The following AGBL1 variants were observed in gnomAD, a reference collection of about 807,000 sequenced individuals.
The protein encoded by AGBL1 is AGBL carboxypeptidase 1, also known as cytosolic carboxypeptidase 4.
A neutral mutation model predicts 118.9 loss-of-function variants in AGBL1; 130 were observed. The observed-to-expected ratio is 1.09, with a 90% CI of 0.95 to 1.26. The LOEUF is 1.26. Among genes scored for constraint, AGBL1 ranks in the 50% most tolerant of loss-of-function variants. The pLI is 0.00. For synonymous variants in AGBL1, 555 were observed against 478.9 expected (o/e 1.16, Z -2.08); for missense variants, 1,584 against 1,298.1 (o/e 1.22, Z -3.38).
intron 23 of AGBL1, among the ~76,000 whole-genome samples, chr15:86,933,307 C>T (rs2080627235): frequency 6.6e-6 from 1 of 152,120 alleles, no homozygotes; most frequent in African/African-American, 2.4e-5. Context: ...TGATAATAGT[C>T]CCTCCCTACA....
At chr15:86,624,432 G>A (rs2084854947) in intron 21 of AGBL1, among the ~76,000 whole-genome samples, 1 of 152,190 alleles carries the variant, frequency 6.6e-6, no homozygotes, top group Non-Finnish European at 1.5e-5. Context: ...TTTGAGTAAG[G>A]GCTCTGTGGA....
chr15:86,977,797 GCTTA>G (rs2081190663), intron 23 of AGBL1, among the ~76,000 whole-genome samples: 1 of 151,614 alleles, frequency 6.6e-6, no homozygotes, highest in South Asian at 2.1e-4. Context: ...TCTTCTTATT[GCTTA>G]CTTAAAAACT....
chr15:86,550,085 T>C (rs145661193), intron 20 of AGBL1, among the ~76,000 whole-genome samples: 78 of 151,692 alleles, frequency 5.1e-4, no homozygotes, highest in African/African-American at 6.3e-4. Context: ...TAAAGAAAAG[T>C]AAACAGCTGT....
intron 1 of AGBL1, among the ~76,000 whole-genome samples, chr15:86,088,836 CTG>C (rs890003904): frequency 1.3e-5 from 2 of 152,174 alleles, no homozygotes; most frequent in Non-Finnish European, 2.9e-5. Context: ...TACCGGGTCA[CTG>C]TATGCCCCAC....
intron 24 of AGBL1, among the ~76,000 whole-genome samples, chr15:86,998,825 T>C (rs2081404682): frequency 6.6e-6 from 1 of 152,040 alleles, no homozygotes; most frequent in South Asian, 2.1e-4. Flanking sequence ...CAAGGTGACA[T>C]GGAGCCAAGA....
chr15:86,789,884 C>T (rs2078466961), intron 22 of AGBL1, among the ~76,000 whole-genome samples: 2 of 152,046 alleles, frequency 1.3e-5, no homozygotes, highest in Admixed American at 6.6e-5. Flanking sequence ...TAGATGGCTC[C>T]AATCATTTGA....
At chr15:86,906,656 C>T (rs1186963001) in intron 22 of AGBL1, among the ~76,000 whole-genome samples, 21 of 152,192 alleles carry the variant, frequency 1.4e-4, no homozygotes, top group Admixed American at 1.2e-3. Context: ...TTCTCAGACA[C>T]TCAGTGATGA....
chr15:86,307,366 G>T (rs2079856169), intron 17 of AGBL1, among the ~76,000 whole-genome samples: 1 of 151,934 alleles, frequency 6.6e-6, no homozygotes, highest in Admixed American at 6.6e-5. Flanking sequence ...AAGATTTATT[G>T]ATTATTGATC....
intron 17 of AGBL1, among the ~76,000 whole-genome samples, chr15:86,364,785 T>C (rs2080854759): frequency 6.6e-6 from 1 of 151,770 alleles, no homozygotes. Flanking sequence ...GAAAAGCACC[T>C]TACCTACAAC....
At chr15:86,207,908 C>T (rs1567126582) in intron 5 of AGBL1, among the ~76,000 whole-genome samples, 1 of 152,116 alleles carries the variant, frequency 6.6e-6, no homozygotes. Flanking sequence ...AAAGGGAATG[C>T]TTCCAGTTTT....
intron 23 of AGBL1, among the ~76,000 whole-genome samples, chr15:86,928,367 G>C (rs2080568375): frequency 6.6e-6 from 1 of 152,184 alleles, no homozygotes. Context: ...TGGCCTAAGA[G>C]AGGCCCTGTC....
chr15:86,317,894 C>A (rs181684849), intron 17 of AGBL1, among the ~76,000 whole-genome samples: 1 of 152,242 alleles, frequency 6.6e-6, no homozygotes, highest in East Asian at 1.9e-4. Context: ...ATATAAGTTT[C>A]ATATTTAAAT....
intron 1 of AGBL1, among the ~76,000 whole-genome samples, chr15:86,139,402 A>G (rs2076931527): frequency 6.6e-6 from 1 of 152,168 alleles, no homozygotes; most frequent in Non-Finnish European, 1.5e-5. Context: ...TCTCTTGAGA[A>G]AAGGAGGAGT....
At chr15:86,106,784 A>G (rs899669028) in intron 1 of AGBL1, among the ~76,000 whole-genome samples, 4 of 152,234 alleles carry the variant, frequency 2.6e-5, no homozygotes, top group Admixed American at 6.5e-5. Flanking sequence ...TCTCTAAGAG[A>G]GATAGAGACA....
chr15:87,016,672 T>C (rs1458302905), intron 24 of AGBL1, among the ~76,000 whole-genome samples: 1 of 152,154 alleles, frequency 6.6e-6, no homozygotes, highest in Non-Finnish European at 1.5e-5. Context: ...TAGGCAAACA[T>C]CTCGACCCAC....
At chr15:86,664,372 C>T (rs1326555063) in intron 21 of AGBL1, among the ~76,000 whole-genome samples, 1 of 152,220 alleles carries the variant, frequency 6.6e-6, no homozygotes, top group Non-Finnish European at 1.5e-5. Context: ...GTTCACAGAT[C>T]TGCATGGTCT....
chr15:86,761,999 T>A (rs1277624737), intron 22 of AGBL1, among the ~76,000 whole-genome samples: 1 of 151,880 alleles, frequency 6.6e-6, no homozygotes, highest in African/African-American at 2.4e-5. Flanking sequence ...CCATCTTGAG[T>A]TAATGTGGCA....
chr15:86,790,778 A>T (rs577449248), intron 22 of AGBL1, among the ~76,000 whole-genome samples: 2 of 152,130 alleles, frequency 1.3e-5, no homozygotes, highest in Non-Finnish European at 2.9e-5. Context: ...CTTTCAATTT[A>T]ATTCAACAAG....
At position 86,690,492 on chromosome 15, in the gene AGBL1, A is replaced by T. The variant is rs909714532; in HGVS notation, c.3158+16056A>T. 2.0e-5 allele frequency among the ~76,000 whole-genome samples: 3 copies of T among 152,156 alleles called. No individual in the cohort carries two copies. In the South Asian group the frequency reaches 6.2e-4, roughly 32 times the overall value. ...GAGATTTAGTCCATTCACCTTTTTA[A>T]ACAGGCAAAAACGCTGAATTCTTCC... On this transcript the variant is annotated intron_variant, in intron 22 of 22. Coordinates refer to ENST00000614907, the MANE Select transcript of AGBL1 (RefSeq NM_001386094.1).
Sources: gnomAD v4.1 joint callset for allele counts (sites outside exome capture counted in the v4.1 genomes callset) on GRCh38, gnomAD v4.1.1 for gene constraint, MANE v1.5 for transcripts, NCBI Gene and HGNC (gene_info 2026-07-23, HGNC 2026-07-21) for gene names.